The following CGNL1 variants were observed in gnomAD, a reference collection of about 807,000 sequenced individuals.
The protein encoded by CGNL1 is cingulin-like protein 1.
CGNL1 carries 132 observed loss-of-function variants against 141.2 expected under a neutral mutation model. That is an observed-to-expected ratio of 0.93 (90% CI 0.81 to 1.08). The LOEUF (loss-of-function observed/expected upper bound fraction) is 1.08, where lower values mean the gene tolerates loss of function less well. Ranked by LOEUF, CGNL1 falls within the 50% of genes least tolerant of loss-of-function variation. The pLI is 0.00. For synonymous variants in CGNL1, 690 were observed against 622.1 expected, an observed-to-expected ratio of 1.11 and a Z score of -1.63; for missense variants, 1,870 against 1,588.6, an observed-to-expected ratio of 1.18 and a Z score of -3.01.
At position 57,452,300 on chromosome 15, in the gene CGNL1, G is replaced by A. The variant is rs534452541; in HGVS notation, c.2054+11G>A. On this transcript the variant is annotated intron_variant, in intron 6 of 18. Coordinates refer to ENST00000281282, the MANE Select transcript of CGNL1 (RefSeq NM_032866.5). ...GAAGAATCTGGAGGAGTAAGTTCTG[G>A]GCTGAGAGCCTGTTGCCCTTCCCAG... is the stretch of plus-strand genomic sequence containing the variant. The A allele has an allele frequency of 1.2e-6, 2 of 1,610,478 alleles. No individual in the cohort carries two copies. The highest frequency in any genetic ancestry group is 4.5e-5 in the East Asian group (2 of 44,718).
intron 3 of CGNL1, among the ~76,000 whole-genome samples, chr15:57,440,986 A>C (rs2063179406): frequency 6.6e-6 from 1 of 151,572 alleles, no homozygotes; most frequent in Non-Finnish European, 1.5e-5. Flanking sequence ...TTCAGCCCTT[A>C]CTTAGATACT....
intron 7 of CGNL1, among the ~76,000 whole-genome samples, chr15:57,460,180 G>A (rs141618296): frequency 5.3e-5 from 8 of 152,126 alleles, no homozygotes; most frequent in Non-Finnish European, 2.9e-5. Flanking sequence ...AGAAAGAAGG[G>A]CATCTTAGAG....
chr15:57,474,424 T>G (rs2063625081), intron 8 of CGNL1, among the ~76,000 whole-genome samples: 1 of 152,226 alleles, frequency 6.6e-6, no homozygotes, highest in African/African-American at 2.4e-5. Flanking sequence ...GTCCTTGTTA[T>G]GCTGGACTAT....
rs1278351902 is a variant in CGNL1, at chr15:57,473,896, CTTCTTTTTTTTTTT to C, written c.2403+12007_2403+12020del. Reference sequence around the variant, plus strand: ...GTCACTTCTTCTTCTTCTTCTTCTTCTTCTTTTTTTTTTTTTTTTTTTTTTTTTTCTGAGACAGA... The same window carrying C: ...GTCACTTCTTCTTCTTCTTCTTCTTCTTTTTTTTTTTTTTTCTGAGACAGA... On this transcript the variant is annotated intron_variant, in intron 8 of 18. Coordinates refer to ENST00000281282, the MANE Select transcript of CGNL1 (RefSeq NM_032866.5). 1.0e-4 allele frequency among the ~76,000 whole-genome samples: 11 copies of C among 110,088 alleles called. No individual in the cohort carries two copies. The South Asian group carries it at 1.1e-3, about 11-fold the overall frequency. The allele number at this position is 110,088 out of a possible 152,430, so 72.2% of individuals were successfully genotyped here.
chr15:57,493,099 A>T (rs2063889113), intron 8 of CGNL1, among the ~76,000 whole-genome samples: 1 of 152,204 alleles, frequency 6.6e-6, no homozygotes, highest in Admixed American at 6.5e-5. Context: ...AAAGAACATA[A>T]TAAATACATT....
chr15:57,507,413 A>G (rs2064117815), intron 8 of CGNL1, among the ~76,000 whole-genome samples: 1 of 152,166 alleles, frequency 6.6e-6, no homozygotes, highest in Admixed American at 6.5e-5. Flanking sequence ...AGTGAATCTT[A>G]ACTAGTTTTT....
At chr15:57,379,583 C>T (rs527314292) in intron 1 of CGNL1, among the ~76,000 whole-genome samples, 1 of 152,214 alleles carries the variant, frequency 6.6e-6, no homozygotes, top group South Asian at 2.1e-4. Flanking sequence ...ATGCCATTGG[C>T]CTTTTAAAAA....
intron 8 of CGNL1, among the ~76,000 whole-genome samples, chr15:57,482,388 G>A (rs1415125088): frequency 6.6e-6 from 1 of 152,110 alleles, no homozygotes; most frequent in African/African-American, 2.4e-5. Flanking sequence ...ATTTTCTTCT[G>A]TGTTTTTGTT....
chr15:57,520,885 A>C (rs558146738), intron 10 of CGNL1, among the ~76,000 whole-genome samples: 1 of 152,278 alleles, frequency 6.6e-6, no homozygotes, highest in East Asian at 1.9e-4. Context: ...CCATAGGCTC[A>C]CCTGCAACTT....
At chr15:57,423,505 T>C (rs1706374) in intron 1 of CGNL1, among the ~76,000 whole-genome samples, 23,256 of 152,124 alleles carry the variant, frequency 0.15, 2,090 homozygotes, top group African/African-American at 0.24. Flanking sequence ...CTCCATTCTT[T>C]TGTTAGCCCA....
intron 8 of CGNL1, among the ~76,000 whole-genome samples, chr15:57,515,990 C>T (rs1229804332): frequency 6.6e-6 from 1 of 151,736 alleles, no homozygotes; most frequent in Non-Finnish European, 1.5e-5. Context: ...AACCCCGTCT[C>T]TACTAAAAAT....
At chr15:57,450,366 T>A (rs1318239048) in intron 4 of CGNL1, among the ~76,000 whole-genome samples, 1 of 152,190 alleles carries the variant, frequency 6.6e-6, no homozygotes, top group Non-Finnish European at 1.5e-5. Context: ...AACCTCCACT[T>A]CGTGGGTTCA....
chr15:57,435,724 A>G (rs2063098658), intron 1 of CGNL1, among the ~76,000 whole-genome samples: 1 of 152,158 alleles, frequency 6.6e-6, no homozygotes, highest in Admixed American at 6.5e-5. Flanking sequence ...GAAACTGAAT[A>G]TATTCAGAAA....
intron 1 of CGNL1, among the ~76,000 whole-genome samples, chr15:57,396,241 GGTT>G (rs1298598979): frequency 1.3e-5 from 2 of 149,538 alleles, no homozygotes; most frequent in Non-Finnish European, 3.0e-5. Context: ...TTTAGTTCTT[GGTT>G]GTTATTTATT....
chr15:57,490,693 G>T (rs1482319609), intron 8 of CGNL1, among the ~76,000 whole-genome samples: 1 of 152,084 alleles, frequency 6.6e-6, no homozygotes, highest in African/African-American at 2.4e-5. Context: ...CTTGAAGTTG[G>T]GCTGCACATA....
chr15:57,483,640 A>G (rs758894181), intron 8 of CGNL1, among the ~76,000 whole-genome samples: 2 of 152,116 alleles, frequency 1.3e-5, no homozygotes. Context: ...TAGAAGCTCC[A>G]ATACTATGTT....
chr15:57,441,529 TG>T lies in CGNL1; in HGVS notation c.1698-842del, dbSNP rs2063187387. On this transcript the variant is annotated intron_variant, in intron 3 of 18. Coordinates refer to ENST00000281282, the MANE Select transcript of CGNL1 (RefSeq NM_032866.5). ...GATTATAGGTGTGCGCCACCATGTC[TG>T]GCTAATTTTTGTATTTTTAGTAGAG... Among the ~76,000 whole-genome samples, 6 of 152,172 alleles carry T rather than the reference TG, an allele frequency of 3.9e-5. No homozygotes were observed. The South Asian group carries it at 1.2e-3, about 32-fold the overall frequency.
At position 57,547,417 on chromosome 15, in the gene CGNL1, A is replaced by T. The variant is rs761265054; in HGVS notation, c.3836A>T (p.Asp1279Val). ...GATGACGACGATGACCTCAGCACGG[A>T]TGGGGGAAGCCTCTATGAGGCGCCT... ...DMDDDDDLST[D>V]GGSLYEAPVS... Residue 1279 changes from aspartate (D) to valine (V), a missense_variant, in exon 19 of 19, where the codon GAT becomes GTT. Asp to Val is a radical substitution (Grantham distance 152). Coordinates refer to ENST00000281282, the MANE Select transcript of CGNL1 (RefSeq NM_032866.5). 3 of 1,614,188 alleles carry T rather than the reference A, an allele frequency of 1.9e-6. No homozygotes were observed. Among genetic ancestry groups the T allele is most frequent in the East Asian group, 2.2e-5 (1 of 44,890 alleles).
chr15:57,453,082 T>G (rs1387194252), intron 6 of CGNL1, among the ~76,000 whole-genome samples: 6 of 152,178 alleles, frequency 3.9e-5, no homozygotes, highest in African/African-American at 9.7e-5. Context: ...AGTTGTGAGT[T>G]TGGTTCAGGA....
Sources: gnomAD v4.1 joint callset for allele counts (sites outside exome capture counted in the v4.1 genomes callset) on GRCh38, gnomAD v4.1.1 for gene constraint, MANE v1.5 for transcripts, NCBI Gene and HGNC (gene_info 2026-07-23, HGNC 2026-07-21) for gene names.